MYO1D: variants seen among roughly 807,000 people sequenced by gnomAD.
MYO1D encodes the protein unconventional myosin-Id.
In MYO1D, 83 loss-of-function variants were observed where a neutral mutation model predicts 122.0. The observed-to-expected ratio is 0.68, with a 90% CI of 0.57 to 0.82. The LOEUF (loss-of-function observed/expected upper bound fraction) is 0.82, where lower values mean the gene tolerates loss of function less well. Among genes scored for constraint, MYO1D ranks in the 40% least tolerant of loss-of-function variants. The probability of loss-of-function intolerance (pLI) is 0.00; values close to 1 mark genes in which losing one functional copy is unlikely to be tolerated. For synonymous variants in MYO1D, 464 were observed against 446.9 expected (o/e 1.04, Z -0.48); for missense variants, 1,157 against 1,269.5 (o/e 0.91, Z 1.35).
At chr17:32,836,536 T>C (rs1013326548) in intron 1 of MYO1D, among the ~76,000 whole-genome samples, 2 of 152,316 alleles carry the variant, frequency 1.3e-5, no homozygotes, top group Admixed American at 6.5e-5. Context: ...CTAATCAATT[T>C]GCCTACTCTT....
intron 19 of MYO1D, among the ~76,000 whole-genome samples, chr17:32,644,919 G>A (rs1332180662): frequency 6.6e-6 from 1 of 152,158 alleles, no homozygotes; most frequent in Admixed American, 6.6e-5. Context: ...TACATTTAAG[G>A]TTAATACTGT....
In MYO1D at chr17:32,541,720, G is replaced by A. The variant is rs367731664; in HGVS notation, c.2865-46805C>T. On this transcript the variant is annotated intron_variant, in intron 21 of 21. Coordinates refer to ENST00000318217, the MANE Select transcript of MYO1D (RefSeq NM_015194.3). ...AAAACTTTTGCACAGGACCTGGCAC[G>A]CAGTAGGTACTCGATGTGTGCATTC... is the stretch of plus-strand genomic sequence containing the variant. Among the ~76,000 whole-genome samples the A allele has an allele frequency of 7.2e-5, 11 of 152,268 alleles. No individual in the cohort carries two copies. The South Asian group carries it at 1.0e-3, about 14-fold the overall frequency.
At chr17:32,855,800 C>T (rs1448611076) in intron 1 of MYO1D, among the ~76,000 whole-genome samples, 11 of 152,194 alleles carry the variant, frequency 7.2e-5, no homozygotes, top group African/African-American at 2.7e-4. Context: ...GTAAACAATA[C>T]ATGTTGTGAA....
intron 21 of MYO1D, among the ~76,000 whole-genome samples, chr17:32,553,894 T>C (rs912384933): frequency 1.1e-4 from 17 of 152,184 alleles, no homozygotes; most frequent in African/African-American, 3.9e-4. Flanking sequence ...TCTCACTGCT[T>C]AGATATTTCC....
At chr17:32,874,701 T>C (rs891317733) in intron 1 of MYO1D, among the ~76,000 whole-genome samples, 1 of 152,084 alleles carries the variant, frequency 6.6e-6, no homozygotes. Context: ...GATGGGAGGA[T>C]TGCTTGAGGC....
intron 21 of MYO1D, among the ~76,000 whole-genome samples, chr17:32,517,800 T>A (rs1341466975): frequency 6.6e-6 from 1 of 152,212 alleles, no homozygotes; most frequent in East Asian, 1.9e-4. Context: ...TTATGACAAT[T>A]TTTAAACATA....
At chr17:32,718,593 T>C (rs1342517616) in intron 15 of MYO1D, among the ~76,000 whole-genome samples, 4 of 151,824 alleles carry the variant, frequency 2.6e-5, no homozygotes, top group Admixed American at 2.6e-4. Context: ...CCCAGCTATT[T>C]GGGAGGCTGG....
intron 21 of MYO1D, among the ~76,000 whole-genome samples, chr17:32,574,144 G>A (rs865834140): frequency 2.6e-5 from 4 of 152,074 alleles, no homozygotes; most frequent in South Asian, 4.2e-4. Context: ...GAGCCACTGC[G>A]CCCGGCCCCC....
At chr17:32,778,642 A>C (rs1362064180) in intron 2 of MYO1D, 69 bp from the exon 3 acceptor site, 3 of 1,339,058 alleles carry the variant, frequency 2.2e-6, no homozygotes, top group Non-Finnish European at 3.2e-6. Flanking sequence ...TTTTAATAGA[A>C]TAATTTAAAA....
intron 16 of MYO1D, among the ~76,000 whole-genome samples, chr17:32,663,175 C>A (rs2088593730): frequency 6.6e-6 from 1 of 152,072 alleles, no homozygotes; most frequent in African/African-American, 2.4e-5. Context: ...CCTTGGCTTC[C>A]CAAAGTGCTG....
At chr17:32,649,594 CAG>C (rs1163463004) in intron 19 of MYO1D, among the ~76,000 whole-genome samples, 1 of 111,122 alleles carries the variant, frequency 9.0e-6, no homozygotes, top group Non-Finnish European at 1.7e-5. Context: ...TTTTTTGAGA[CAG>C]AGTCTCACTC....
intron 20 of MYO1D, among the ~76,000 whole-genome samples, chr17:32,624,216 GTTTTT>G (rs3040378): frequency 7.3e-6 from 1 of 137,914 alleles, no homozygotes. Flanking sequence ...TTTTCTTTAA[GTTTTT>G]TTTTTTTTTT....
intron 21 of MYO1D, among the ~76,000 whole-genome samples, chr17:32,575,767 G>A (rs1394263446): frequency 3.3e-5 from 5 of 152,172 alleles, no homozygotes; most frequent in Non-Finnish European, 7.3e-5. Flanking sequence ...TGATGGGTCA[G>A]AAATACATCC....
chr17:32,624,140 C>G (rs545340173), intron 20 of MYO1D, among the ~76,000 whole-genome samples: 1 of 151,866 alleles, frequency 6.6e-6, no homozygotes, highest in African/African-American at 2.4e-5. Context: ...ATTTGGGGAA[C>G]AGAATAGATA....
intron 21 of MYO1D, among the ~76,000 whole-genome samples, chr17:32,528,307 G>A (rs1242999719): frequency 3.9e-5 from 6 of 152,228 alleles, no homozygotes; most frequent in Non-Finnish European, 8.8e-5. Context: ...GCAAGGCACT[G>A]AGGAATTACT....
intron 11 of MYO1D, among the ~76,000 whole-genome samples, chr17:32,754,376 A>G (rs1199817813): frequency 6.6e-6 from 1 of 152,202 alleles, no homozygotes; most frequent in African/African-American, 2.4e-5. Context: ...AGTACCTCTA[A>G]CCCAAAACCC....
At chr17:32,787,266 C>T (rs1267532225) in intron 1 of MYO1D, among the ~76,000 whole-genome samples, 2 of 152,064 alleles carry the variant, frequency 1.3e-5, no homozygotes, top group African/African-American at 2.4e-5. Flanking sequence ...TTTGTATTAT[C>T]TCATTTATAT....
intron 20 of MYO1D, among the ~76,000 whole-genome samples, chr17:32,632,854 A>C (rs1241415561): frequency 1.3e-5 from 2 of 152,144 alleles, no homozygotes; most frequent in Non-Finnish European, 2.9e-5. Context: ...AGGATATCTA[A>C]CAGACCAATA....
intron 16 of MYO1D, among the ~76,000 whole-genome samples, chr17:32,676,814 A>ATT (rs950108382): frequency 1.4e-5 from 2 of 146,842 alleles, no homozygotes; most frequent in Non-Finnish European, 1.5e-5. Flanking sequence ...GAAAAATAGA[A>ATT]TTTTTTTTTT....
Sources: gnomAD v4.1 joint callset for allele counts (sites outside exome capture counted in the v4.1 genomes callset) on GRCh38, gnomAD v4.1.1 for gene constraint, MANE v1.5 for transcripts, NCBI Gene and HGNC (gene_info 2026-07-23, HGNC 2026-07-21) for gene names.